Variants in HSPA4 observed in about 807,000 individuals in gnomAD.
The protein encoded by HSPA4 is heat shock protein family A (Hsp70) member 4.
A neutral mutation model predicts 106.2 loss-of-function variants in HSPA4; 25 were observed. That is an observed-to-expected ratio of 0.24 (90% confidence interval 0.17 to 0.33). The LOEUF (loss-of-function observed/expected upper bound fraction) is 0.33. Among genes scored for constraint, HSPA4 ranks in the 10% least tolerant of loss-of-function variants. The probability of loss-of-function intolerance (pLI) is 1.00; values close to 1 mark genes in which losing one functional copy is unlikely to be tolerated. For synonymous variants in HSPA4, 332 were observed against 333.6 expected, an observed-to-expected ratio of 1.00 and a Z score of 0.05; for missense variants, 841 against 996.0, an observed-to-expected ratio of 0.84 and a Z score of 2.10.
chr5:133,091,868 A>C (rs754247526), intron 12 of HSPA4, among the ~76,000 whole-genome samples: 1 of 151,770 alleles, frequency 6.6e-6, no homozygotes, highest in African/African-American at 2.4e-5. Context: ...CTCTACAAAA[A>C]GTTAAAAACA....
intron 15 of HSPA4, among the ~76,000 whole-genome samples, chr5:133,097,582 C>G (rs1417465041): frequency 7.7e-6 from 1 of 129,132 alleles, no homozygotes; most frequent in Admixed American, 8.2e-5. Flanking sequence ...GAGTTTTGCT[C>G]TTGTTGCTCA....
At chr5:133,102,650 G>GT (rs1765802159) in intron 17 of HSPA4, among the ~76,000 whole-genome samples, 1 of 152,176 alleles carries the variant, frequency 6.6e-6, no homozygotes, top group Admixed American at 6.5e-5. Context: ...GGAGTATAAA[G>GT]TTCCTCCATT....
In HSPA4 at chr5:133,067,515, A is replaced by C; in HGVS notation, c.264A>C (p.Ala88=). The change falls in exon 3 of 19, where the codon GCA becomes GCC. Residue 88 remains alanine, a synonymous_variant. Transcript: ENST00000304858. ...PFVEAEKSNL[A]YDIVQLPTGL... is the part of the protein sequence containing the mutation. ...TGGAGGCAGAAAAATCTAACCTTGC[A>C]TATGATATTGTGCAGTTGCCTACAG... is the stretch of plus-strand genomic sequence containing the variant. 1 of 1,614,034 alleles carries C rather than the reference A, an allele frequency of 6.2e-7. No homozygotes were observed. Among genetic ancestry groups the C allele is most frequent in the Non-Finnish European group, 8.5e-7 (1 of 1,179,890 alleles).
chr5:133,082,466 T>A (rs944126195), intron 7 of HSPA4, among the ~76,000 whole-genome samples: 2 of 152,206 alleles, frequency 1.3e-5, no homozygotes, highest in Non-Finnish European at 2.9e-5. Flanking sequence ...TTTTAATTTT[T>A]AAAATTTATT....
intron 3 of HSPA4, among the ~76,000 whole-genome samples, chr5:133,068,769 TAAAG>T (rs138265130): frequency 0.023 from 3,473 of 151,954 alleles, 128 homozygotes; most frequent in African/African-American, 0.076. Flanking sequence ...AAATAAGAAA[TAAAG>T]AAATAGGATA....
intron 1 of HSPA4, among the ~76,000 whole-genome samples, chr5:133,061,971 G>A (rs1465547912): frequency 6.6e-6 from 1 of 152,104 alleles, no homozygotes; most frequent in Non-Finnish European, 1.5e-5. Flanking sequence ...GGTGGGTTGA[G>A]AAGGCTTTAC....
Position 133,101,866 on chromosome 5 carries a change from T to G in HSPA4, c.2145T>G (p.Ser715=). ...AACAGTATATGAAAATAATCAGCTC[T>G]TTCAAAAACAAGGTAACTTTTTTCT... ...QIQQYMKIIS[S]FKNKEDQYDH... Residue 715 remains serine (S), a synonymous_variant, in exon 17 of 19, where the codon TCT becomes TCG. Transcript: ENST00000304858. The G allele has an allele frequency of 6.4e-7, 1 of 1,570,516 alleles. No homozygotes were observed. The highest frequency in any genetic ancestry group is 8.6e-7 in the Non-Finnish European group (1 of 1,156,198).
At chr5:133,088,924 C>T in intron 9 of HSPA4, 131 bp from the exon 10 acceptor site, 1 of 518,828 alleles carries the variant, frequency 1.9e-6, no homozygotes, top group Non-Finnish European at 3.4e-6. Context: ...TGTTCAGACA[C>T]CATTAAATTA....
chr5:133,076,618 G>A lies in HSPA4; in HGVS notation c.664-36G>A, dbSNP rs369830375. ...ATATCATCTGTTTCAAAATCGATTG[G>A]TTAATTGTTAGATTAATTCTCATTT... On this transcript the variant is annotated intron_variant, in intron 6 of 18. Transcript: ENST00000304858. 1,346 of 1,588,064 alleles carry A rather than the reference G, an allele frequency of 8.5e-4. 3 individuals carry two copies. The highest frequency in any genetic ancestry group is 1.0e-3 in the Non-Finnish European group (1,216 of 1,161,184).
At chr5:133,078,474 A>G (rs1765473286) in intron 7 of HSPA4, among the ~76,000 whole-genome samples, 1 of 151,258 alleles carries the variant, frequency 6.6e-6, no homozygotes, top group African/African-American at 2.4e-5. Context: ...TTCTCTACTA[A>G]AAATACAAAA....
intron 9 of HSPA4, 104 bp from the exon 10 acceptor site, chr5:133,088,951 A>T (rs1320514132): frequency 3.5e-6 from 2 of 569,062 alleles, no homozygotes; most frequent in East Asian, 3.0e-5. Context: ...TAAATATTTT[A>T]AAAAGACCAT....
At chr5:133,090,741 T>C (rs1201427238) in intron 11 of HSPA4, among the ~76,000 whole-genome samples, 1 of 152,168 alleles carries the variant, frequency 6.6e-6, no homozygotes, top group East Asian at 1.9e-4. Context: ...ATTCATACTT[T>C]GCAGAGTTCT....
At chr5:133,080,738 C>T (rs1282218929) in intron 7 of HSPA4, among the ~76,000 whole-genome samples, 1 of 151,920 alleles carries the variant, frequency 6.6e-6, no homozygotes, top group East Asian at 1.9e-4. Context: ...TCCTTCATGG[C>T]ATTTCTCTTG....
rs62375240 is a variant in HSPA4 at position 133,090,406 on chromosome 5, A to T, written c.1378+711A>T. On this transcript the variant is annotated intron_variant, in intron 11 of 18. Transcript: ENST00000304858. ...AGATCACGCCACTGCACTCCAGCCT[A>T]GGCGACAGAGCGAGACTCTGTCTCA... Among the ~76,000 whole-genome samples, 5 of 132,454 alleles carry T rather than the reference A, an allele frequency of 3.8e-5. No homozygotes were observed. In the South Asian group the frequency reaches 1.3e-3, roughly 34 times the overall value. 86.9% of individuals were successfully genotyped at this position (132,454 alleles called of 152,430 possible).
intron 4 of HSPA4, among the ~76,000 whole-genome samples, chr5:133,071,284 CAAAAAAA>C (rs755520266): frequency 4.0e-4 from 25 of 62,092 alleles, no homozygotes; most frequent in African/African-American, 5.5e-4. Context: ...CTGTCTTTAC[CAAAAAAA>C]AAAAAAAAAA....
Position 133,052,241 on chromosome 5 carries a change from A to G in HSPA4, c.-10A>G. The G allele has an allele frequency of 1.3e-6, 2 of 1,571,888 alleles. No homozygotes were observed. Among genetic ancestry groups the G allele is most frequent in the Non-Finnish European group, 8.6e-7 (1 of 1,161,490 alleles). ...GGACCCGGGCCCGAGCCCGAGCAGTAGCCGGCGCCATGTCGGTGGTGGGCA... is the reference window on the plus strand; with the variant it reads ...GGACCCGGGCCCGAGCCCGAGCAGTGGCCGGCGCCATGTCGGTGGTGGGCA... On this transcript the variant is annotated 5_prime_UTR_variant, in exon 1 of 19. Coordinates refer to ENST00000304858, the MANE Select transcript of HSPA4 (RefSeq NM_002154.4).
intron 17 of HSPA4, among the ~76,000 whole-genome samples, chr5:133,102,577 C>G (rs1385702034): frequency 1.3e-5 from 2 of 152,150 alleles, no homozygotes; most frequent in East Asian, 3.9e-4. Context: ...AAGCAACATT[C>G]AGGGTCACTA....
intron 1 of HSPA4, among the ~76,000 whole-genome samples, chr5:133,054,185 C>G (rs1765129461): frequency 6.6e-6 from 1 of 151,848 alleles, no homozygotes; most frequent in Non-Finnish European, 1.5e-5. Context: ...TGTTAACAGC[C>G]CTATTAAGGT....
rs1227638225 is a variant in HSPA4 at position 133,095,711 on chromosome 5, T to C, written c.1651-387T>C. On this transcript the variant is annotated intron_variant, in intron 13 of 18. Transcript: ENST00000304858. ...TTGATACGGGATTGTAGGAGATATG[T>C]ATTTTATAAAATTTACCATCTTAAC... Among the ~76,000 whole-genome samples, 76 of 152,222 alleles carry C rather than the reference T, an allele frequency of 5.0e-4. 2 individuals carry two copies. Among genetic ancestry groups the C allele is most frequent in the Admixed American group, 4.9e-3 (75 of 15,286 alleles).
Sources: gnomAD v4.1 joint callset for allele counts (sites outside exome capture counted in the v4.1 genomes callset) on GRCh38, gnomAD v4.1.1 for gene constraint, MANE v1.5 for transcripts, NCBI Gene and HGNC (gene_info 2026-07-23, HGNC 2026-07-21) for gene names.